Variants in ZSCAN1 observed in about 807,000 individuals in gnomAD.
The protein encoded by ZSCAN1 is zinc finger and SCAN domain containing 1.
A neutral mutation model predicts 23.8 loss-of-function variants in ZSCAN1; 23 were observed. That is an observed-to-expected ratio of 0.97 (90% CI 0.70 to 1.37). The LOEUF (loss-of-function observed/expected upper bound fraction) is 1.37. Ranked by LOEUF, ZSCAN1 falls within the 40% of genes most tolerant of loss-of-function variation. The pLI is 0.00. For missense variants in ZSCAN1, 575 were observed against 554.0 expected (o/e 1.04, Z -0.38); for synonymous variants, 236 against 232.3 (o/e 1.02, Z -0.15).
intron 4 of ZSCAN1, chr19:58,046,917 A>G (rs1361299295): frequency 2.0e-6 from 1 of 506,662 alleles, no homozygotes; most frequent in Non-Finnish European, 3.6e-6. Context: ...TGTAATTTTC[A>G]TCATTCCACG....
At position 58,040,319 on chromosome 19, in the gene ZSCAN1, C is replaced by T; in HGVS notation, c.371-131C>T. 1.1e-6 allele frequency: 1 copy of T among 907,566 alleles called. No homozygotes were observed. Among genetic ancestry groups the T allele is most frequent in the Non-Finnish European group, 1.7e-6 (1 of 577,568 alleles). The allele number at this position is 907,566 out of a possible 1,614,324, so 56.2% of individuals were successfully genotyped here. A position where few individuals can be genotyped will look rare whatever the true frequency, so the allele number is the denominator to read the frequency against. ...ATGGAGGGACAGAATGACAGCCCTG[C>T]AGCCACTCTTGCCTGCGCCTCAGGG... On this transcript the variant is annotated intron_variant, in intron 3 of 5. Transcript: ENST00000282326. The surrounding 1 kb of genome is among the most constrained non-coding windows in gnomAD (Gnocchi z 5.8).
At chr19:58,042,862 C>T (rs1036041065) in intron 4 of ZSCAN1, among the ~76,000 whole-genome samples, 1 of 152,352 alleles carries the variant, frequency 6.6e-6, no homozygotes, top group East Asian at 1.9e-4. Flanking sequence ...CCACCAGGGC[C>T]GCTGTGGCTG....
chr19:58,034,480 G>A (rs2073718760), intron 1 of ZSCAN1, among the ~76,000 whole-genome samples: 1 of 151,962 alleles, frequency 6.6e-6, no homozygotes, highest in African/African-American at 2.4e-5. Context: ...GTTTGAGGCC[G>A]AAGCCCCTCT....
At chr19:58,042,736 C>T (rs893780625) in intron 4 of ZSCAN1, among the ~76,000 whole-genome samples, 1 of 152,176 alleles carries the variant, frequency 6.6e-6, no homozygotes, top group Non-Finnish European at 1.5e-5. Context: ...CCAGACGCCA[C>T]GTGGAAACCA....
In ZSCAN1 at chr19:58,045,584, G is replaced by A. The variant is rs1467301671; in HGVS notation, c.465+5040G>A. Reference sequence around the variant, plus strand: ...TGGTGGCCCTGTGCAAGCTGCTGGAGCTACAGCTTCCTGCGCTTCCAGCTC... The same window carrying A: ...TGGTGGCCCTGTGCAAGCTGCTGGAACTACAGCTTCCTGCGCTTCCAGCTC... On this transcript the variant is annotated intron_variant, in intron 4 of 5. Coordinates refer to ENST00000282326, the MANE Select transcript of ZSCAN1 (RefSeq NM_182572.4). The surrounding 1 kb of genome is among the most constrained non-coding windows in gnomAD (Gnocchi z 4.3). The A allele has an allele frequency of 1.2e-5, 13 of 1,095,708 alleles. No individual in the cohort carries two copies. The highest frequency in any genetic ancestry group is 1.7e-5 in the Non-Finnish European group (12 of 706,998). 67.9% of individuals were successfully genotyped at this position (1,095,708 alleles called of 1,614,324 possible).
Position 58,045,327 on chromosome 19 carries a change from A to T in ZSCAN1, c.465+4783A>T. 1.3e-6 allele frequency: 1 copy of T among 794,916 alleles called. No homozygotes were observed. The highest frequency in any genetic ancestry group is 2.3e-6 in the Non-Finnish European group (1 of 431,764). 49.2% of individuals were successfully genotyped at this position (794,916 alleles called of 1,614,324 possible). A position where few individuals can be genotyped will look rare whatever the true frequency, so the allele number is the denominator to read the frequency against. On this transcript the variant is annotated intron_variant, in intron 4 of 5. Coordinates refer to ENST00000282326, the MANE Select transcript of ZSCAN1 (RefSeq NM_182572.4). This position sits in a 1 kb window ranked among gnomAD's most constrained non-coding sequence, Gnocchi z 4.3. ...ATCCGAGACTCAGTCCATCAAGGAGAAGAGGCTGAAGGAGCTTCAGGTCAA... is the reference window on the plus strand; with the variant it reads ...ATCCGAGACTCAGTCCATCAAGGAGTAGAGGCTGAAGGAGCTTCAGGTCAA...
chr19:58,046,854 C>T (rs1599906115), intron 4 of ZSCAN1: 3 of 659,912 alleles, frequency 4.5e-6, no homozygotes, highest in Non-Finnish European at 8.3e-6. Flanking sequence ...TTCTTAGTGG[C>T]TCATCTAATA....
Position 58,040,743 on chromosome 19 carries a change from G to C in ZSCAN1, c.465+199G>C, listed in dbSNP as rs45571742. Among the ~76,000 whole-genome samples, 20,950 of 152,272 alleles carry C rather than the reference G, an allele frequency of 0.14. 1,908 individuals carry two copies. The highest frequency in any genetic ancestry group is 0.24 in the Middle Eastern group (69 of 292). ...GCTCAGTGCTGGGCGAGGGCAGTCA[G>C]TGCAGCTGTGTGTTTGCTGTGTGCC... is the stretch of plus-strand genomic sequence containing the variant. On this transcript the variant is annotated intron_variant, in intron 4 of 5. Transcript: ENST00000282326. This position sits in a 1 kb window ranked among gnomAD's most constrained non-coding sequence, Gnocchi z 5.8.
intron 4 of ZSCAN1, among the ~76,000 whole-genome samples, chr19:58,043,102 G>A (rs772546034): frequency 3.9e-5 from 6 of 152,264 alleles, no homozygotes; most frequent in Non-Finnish European, 7.3e-5. Context: ...TGAAGTCGCC[G>A]GGGATTAGCG....
At chr19:58,050,101 T>C (rs78596632) in intron 4 of ZSCAN1, among the ~76,000 whole-genome samples, 5 of 151,654 alleles carry the variant, frequency 3.3e-5, no homozygotes, top group Non-Finnish European at 7.4e-5. Flanking sequence ...TTTTTTTTTT[T>C]CCAAAATAAC....
chr19:58,045,550 G>A lies in ZSCAN1; in HGVS notation c.465+5006G>A, dbSNP rs1479180391. 20 of 1,340,400 alleles carry A rather than the reference G, an allele frequency of 1.5e-5. No individual in the cohort carries two copies. In the East Asian group the frequency reaches 3.6e-4, roughly 24 times the overall value. 83.0% of individuals were successfully genotyped at this position (1,340,400 alleles called of 1,614,324 possible). On this transcript the variant is annotated intron_variant, in intron 4 of 5. Coordinates refer to ENST00000282326, the MANE Select transcript of ZSCAN1 (RefSeq NM_182572.4). The surrounding 1 kb of genome is among the most constrained non-coding windows in gnomAD (Gnocchi z 4.3). ...GAGCTGACCCTTGACAACCTGACAC[G>A]GCCGCAGCTGGTGGCCCTGTGCAAG...
intron 5 of ZSCAN1, among the ~76,000 whole-genome samples, chr19:58,052,977 C>G (rs1004020170): frequency 2.3e-5 from 3 of 129,564 alleles, no homozygotes; most frequent in African/African-American, 8.7e-5. Flanking sequence ...TTTTTTTTTT[C>G]GAGACAGAGT....
At chr19:58,044,477 T>G in intron 4 of ZSCAN1, 6 of 384,710 alleles carry the variant, frequency 1.6e-5, no homozygotes, top group Non-Finnish European at 2.3e-5. Context: ...CCGTCAACCG[T>G]CCGCACGGAC....
Position 58,054,361 on chromosome 19 carries a change from C to G in ZSCAN1, c.*310C>G. The G allele has an allele frequency of 3.5e-6, 1 of 284,400 alleles. No individual in the cohort carries two copies. The highest frequency in any genetic ancestry group is 6.6e-6 in the Non-Finnish European group (1 of 152,234). The allele number at this position is 284,400 out of a possible 1,614,324, so 17.6% of individuals were successfully genotyped here. ...CGTCCCATCTTTCAGAAGCCTTGTC[C>G]AGGTCTCCCTGTTAGCACCTGACTC... On this transcript the variant is annotated 3_prime_UTR_variant, in exon 6 of 6. Transcript: ENST00000282326. This position sits in a 1 kb window ranked among gnomAD's most constrained non-coding sequence, Gnocchi z 4.2.
rs1420194269 is a variant in ZSCAN1 at position 58,045,521 on chromosome 19, G to T, written c.465+4977G>T. The T allele has an allele frequency of 7.1e-7, 1 of 1,412,046 alleles. No homozygotes were observed. Among genetic ancestry groups the T allele is most frequent in the East Asian group, 2.3e-5 (1 of 44,182 alleles). 87.5% of individuals were successfully genotyped at this position (1,412,046 alleles called of 1,614,324 possible). A position where few individuals can be genotyped will look rare whatever the true frequency, so the allele number is the denominator to read the frequency against. ...TCATGGGTTTTTCCAAATTATTTGA[G>T]GATGAGCTGACCCTTGACAACCTGA... On this transcript the variant is annotated intron_variant, in intron 4 of 5. Coordinates refer to ENST00000282326, the MANE Select transcript of ZSCAN1 (RefSeq NM_182572.4). This position sits in a 1 kb window ranked among gnomAD's most constrained non-coding sequence, Gnocchi z 4.3.
In ZSCAN1 at chr19:58,053,344, G is replaced by A; in HGVS notation, c.605-85G>A. 2 of 1,519,850 alleles carry A rather than the reference G, an allele frequency of 1.3e-6. No individual in the cohort carries two copies. The highest frequency in any genetic ancestry group is 1.8e-6 in the Non-Finnish European group (2 of 1,129,468). 94.1% of individuals were successfully genotyped at this position (1,519,850 alleles called of 1,614,324 possible). On this transcript the variant is annotated intron_variant, in intron 5 of 5. Transcript: ENST00000282326. This position sits in a 1 kb window ranked among gnomAD's most constrained non-coding sequence, Gnocchi z 5.8. ...GGGCCTGGACTTGGCTCAGTCACTG[G>A]GGTCCTCCGTGCCCCTGGGGAGCAC...
intron 2 of ZSCAN1, among the ~76,000 whole-genome samples, chr19:58,037,333 C>T (rs773324247): frequency 4.0e-5 from 6 of 151,892 alleles, no homozygotes; most frequent in South Asian, 2.1e-4. Flanking sequence ...TTCTTGTTCC[C>T]GCAGCTCGTC....
downstream of ZSCAN1, among the ~76,000 whole-genome samples, chr19:58,055,120 A>T (rs183336898): frequency 6.6e-6 from 1 of 152,292 alleles, no homozygotes; most frequent in African/African-American, 2.4e-5. Context: ...TCCCGACTTC[A>T]CTTGGAAACA....
Position 58,054,293 on chromosome 19 carries a change from C to T in ZSCAN1, c.*242C>T, listed in dbSNP as rs980404165. 5.2e-5 allele frequency: 24 copies of T among 463,034 alleles called. No individual in the cohort carries two copies. The highest frequency in any genetic ancestry group is 5.1e-4 in the South Asian group (8 of 15,700). 28.7% of individuals were successfully genotyped at this position (463,034 alleles called of 1,614,324 possible). ...CCACAGCACAGCCTGGTCAGTCCTG[C>T]GCACTATAGTTTTGCAAGTGGCTTG... is the stretch of plus-strand genomic sequence containing the variant. On this transcript the variant is annotated 3_prime_UTR_variant, in exon 6 of 6. Coordinates refer to ENST00000282326, the MANE Select transcript of ZSCAN1 (RefSeq NM_182572.4). This position sits in a 1 kb window ranked among gnomAD's most constrained non-coding sequence, Gnocchi z 4.2.
Sources: gnomAD v4.1 joint callset for allele counts (sites outside exome capture counted in the v4.1 genomes callset) on GRCh38, gnomAD v4.1.1 for gene constraint, Gnocchi (gnomAD v3.1) non-coding constraint, MANE v1.5 for transcripts, NCBI Gene and HGNC (gene_info 2026-07-23, HGNC 2026-07-21) for gene names.